IGF2BP2: variants seen among roughly 807,000 people sequenced by gnomAD.
IGF2BP2 encodes the protein insulin-like growth factor 2 mRNA-binding protein 2.
A neutral mutation model predicts 75.8 loss-of-function variants in IGF2BP2; 17 were observed. That is an observed-to-expected ratio of 0.22 (90% CI 0.15 to 0.34). The LOEUF (loss-of-function observed/expected upper bound fraction) is 0.34, where lower values mean the gene tolerates loss of function less well. Among genes scored for constraint, IGF2BP2 ranks in the 10% least tolerant of loss-of-function variants. IGF2BP2 has a pLI of 1.00. For synonymous variants in IGF2BP2, 288 were observed against 295.6 expected, an observed-to-expected ratio of 0.97 and a Z score of 0.26; for missense variants, 516 against 772.4, an observed-to-expected ratio of 0.67 and a Z score of 3.93.
chr3:185,794,078 C>T (rs921455158), intron 2 of IGF2BP2, among the ~76,000 whole-genome samples: 2 of 152,000 alleles, frequency 1.3e-5, no homozygotes, highest in Non-Finnish European at 2.9e-5. Flanking sequence ...CCGCCTCAGC[C>T]TCTCAAGCAG....
chr3:185,645,562 G>A lies in IGF2BP2; in HGVS notation c.1769C>T (p.Pro590Leu). 2 of 1,613,684 alleles carry A rather than the reference G, an allele frequency of 1.2e-6. No individual in the cohort carries two copies. The highest frequency in any genetic ancestry group is 1.7e-6 in the Non-Finnish European group (2 of 1,179,590). Reference sequence around the variant, plus strand: ...GCTGCGCTGTGAGGCGACTCCCTGAGGGTATTTCTGCTCCTGCTGCTTCAC... The same window carrying A: ...GCTGCGCTGTGAGGCGACTCCCTGAAGGTATTTCTGCTCCTGCTGCTTCAC... ...QQVKQQEQKY[P>L]QGVASQRSK is the part of the protein sequence containing the mutation. Residue 590 changes from proline to leucine, a missense_variant, in exon 16 of 16, where the codon CCT becomes CTT. Pro to Leu is a moderately conservative substitution (Grantham distance 98, BLOSUM62 -3). Coordinates refer to ENST00000382199, the MANE Select transcript of IGF2BP2 (RefSeq NM_006548.6). This position sits in a 1 kb window ranked among gnomAD's most constrained non-coding sequence, Gnocchi z 4.9.
chr3:185,811,538 T>G (rs868696961), intron 2 of IGF2BP2, among the ~76,000 whole-genome samples: 6 of 152,188 alleles, frequency 3.9e-5, no homozygotes, highest in Non-Finnish European at 1.5e-5. Flanking sequence ...ATATTTAACA[T>G]AAGAACTCTG....
intron 14 of IGF2BP2, among the ~76,000 whole-genome samples, chr3:185,648,958 T>A (rs1332943651): frequency 6.6e-6 from 1 of 150,682 alleles, no homozygotes; most frequent in African/African-American, 2.4e-5. Context: ...GGCACAGGCC[T>A]GAGTGAAATC....
At chr3:185,749,514 C>T (rs1259603426) in intron 2 of IGF2BP2, among the ~76,000 whole-genome samples, 2 of 152,228 alleles carry the variant, frequency 1.3e-5, no homozygotes, top group Non-Finnish European at 1.5e-5. Context: ...AATTGCTCTT[C>T]TGAGTAGGAA....
In IGF2BP2 at chr3:185,729,104, CT is replaced by C. The variant is rs200521218; in HGVS notation, c.240-30758del. Among the ~76,000 whole-genome samples, 159 of 146,802 alleles carry C rather than the reference CT, an allele frequency of 1.1e-3. No homozygotes were observed. The East Asian group carries it at 0.015, about 14-fold the overall frequency. ...CTTGACAAAGCAGTAAAGATTACTG[CT>C]TTTTTTTTTTCCACAAAAATTTTGA... is the stretch of plus-strand genomic sequence containing the variant. On this transcript the variant is annotated intron_variant, in intron 2 of 15. Coordinates refer to ENST00000382199, the MANE Select transcript of IGF2BP2 (RefSeq NM_006548.6).
At chr3:185,740,923 G>A (rs1337774625) in intron 2 of IGF2BP2, among the ~76,000 whole-genome samples, 2 of 152,206 alleles carry the variant, frequency 1.3e-5, no homozygotes, top group African/African-American at 4.8e-5. Flanking sequence ...TGTCGCCCAG[G>A]CTGGAGTGCG....
At chr3:185,786,503 C>G (rs1039591895) in intron 2 of IGF2BP2, among the ~76,000 whole-genome samples, 2 of 152,190 alleles carry the variant, frequency 1.3e-5, no homozygotes, top group Non-Finnish European at 2.9e-5. Flanking sequence ...ATTCCTTCTC[C>G]TGGCTCAGAA....
chr3:185,722,631 C>T (rs1726740657), intron 2 of IGF2BP2: 1 of 184,744 alleles, frequency 5.4e-6, no homozygotes, highest in Non-Finnish European at 1.1e-5. Context: ...TAAGAAAAAT[C>T]AATCTGGTGG....
At chr3:185,764,452 G>A (rs927162755) in intron 2 of IGF2BP2, among the ~76,000 whole-genome samples, 1 of 152,214 alleles carries the variant, frequency 6.6e-6, no homozygotes, top group Non-Finnish European at 1.5e-5. Flanking sequence ...AGCAGAACCT[G>A]AGGGGAAAGC....
chr3:185,705,327 C>T (rs1723873430), intron 2 of IGF2BP2, among the ~76,000 whole-genome samples: 1 of 152,034 alleles, frequency 6.6e-6, no homozygotes, highest in Middle Eastern at 3.2e-3. Flanking sequence ...GATCTCCTGA[C>T]CTCGTGATCC....
rs1452889907 is a variant in IGF2BP2 at position 185,769,871 on chromosome 3, G to A, written c.239+53282C>T. On this transcript the variant is annotated intron_variant, in intron 2 of 15. Coordinates refer to ENST00000382199, the MANE Select transcript of IGF2BP2 (RefSeq NM_006548.6). ...AAAAAAAAGAAACAATTTCATCTCA[G>A]TCACAAAACCACATGAACCAAGAGG... Among the ~76,000 whole-genome samples, 4 of 148,586 alleles carry A rather than the reference G, an allele frequency of 2.7e-5. No individual in the cohort carries two copies. In the East Asian group the frequency reaches 7.9e-4, roughly 29 times the overall value.
At chr3:185,780,727 T>C (rs1480354906) in intron 2 of IGF2BP2, among the ~76,000 whole-genome samples, 2 of 152,206 alleles carry the variant, frequency 1.3e-5, no homozygotes, top group African/African-American at 4.8e-5. Flanking sequence ...TCTACCTAAA[T>C]GAATTACTCA....
chr3:185,715,986 C>G (rs1212758065), intron 2 of IGF2BP2, among the ~76,000 whole-genome samples: 2 of 152,124 alleles, frequency 1.3e-5, no homozygotes, highest in African/African-American at 2.4e-5. Flanking sequence ...GCCAGGTCCA[C>G]TTAACCAACA....
intron 2 of IGF2BP2, 72 bp downstream of exon 2, chr3:185,823,080 TA>T (rs1349616753): frequency 1.0e-6 from 1 of 963,566 alleles, no homozygotes; most frequent in Admixed American, 2.8e-5. Flanking sequence ...GCACGTTTTT[TA>T]AAGCTGTGTG....
chr3:185,756,984 A>G (rs1047687519), intron 2 of IGF2BP2, among the ~76,000 whole-genome samples: 4 of 152,148 alleles, frequency 2.6e-5, no homozygotes. Context: ...AAATAAATAA[A>G]AGAAACTCAG....
chr3:185,666,271 G>A lies in IGF2BP2; in HGVS notation c.1200+6270C>T, dbSNP rs80216702. Among the ~76,000 whole-genome samples the A allele has an allele frequency of 5.1e-4, 77 of 152,284 alleles. No individual in the cohort carries two copies. The East Asian group carries it at 0.013, about 25-fold the overall frequency. On this transcript the variant is annotated intron_variant, in intron 10 of 15. Transcript: ENST00000382199. ...TGGAACACAAGAAGCTGTTTGTAGTGAGCAATGAAACCAGTAAAAGTTTAG... is the reference window on the plus strand; with the variant it reads ...TGGAACACAAGAAGCTGTTTGTAGTAAGCAATGAAACCAGTAAAAGTTTAG...
At chr3:185,771,602 C>G (rs1264921361) in intron 2 of IGF2BP2, among the ~76,000 whole-genome samples, 4 of 152,122 alleles carry the variant, frequency 2.6e-5, no homozygotes, top group African/African-American at 9.7e-5. Flanking sequence ...GGTAAACTTT[C>G]CACTTTCCAA....
intron 7 of IGF2BP2, 117 bp downstream of exon 7, chr3:185,686,940 C>T: frequency 8.8e-7 from 1 of 1,137,036 alleles, no homozygotes; most frequent in South Asian, 1.4e-5. Context: ...CAATCCCTCC[C>T]TGCCTCTGTT....
intron 2 of IGF2BP2, among the ~76,000 whole-genome samples, chr3:185,739,915 G>A: frequency 8.0e-6 from 1 of 125,712 alleles, no homozygotes; most frequent in South Asian, 2.9e-4. Context: ...CAGTGCAGTG[G>A]CACAAATGCA....
Sources: gnomAD v4.1 joint callset for allele counts (sites outside exome capture counted in the v4.1 genomes callset) on GRCh38, gnomAD v4.1.1 for gene constraint, Gnocchi (gnomAD v3.1) non-coding constraint, MANE v1.5 for transcripts, NCBI Gene and HGNC (gene_info 2026-07-23, HGNC 2026-07-21) for gene names.